The following SDCCAG8 variants were observed in gnomAD, a reference collection of about 807,000 sequenced individuals.
The protein encoded by SDCCAG8 is serologically defined colon cancer antigen 8.
Under a neutral mutation model 101.8 loss-of-function variants are expected in SDCCAG8, and 74 were observed. The observed-to-expected ratio is 0.73, with a 90% CI of 0.60 to 0.88. The LOEUF (loss-of-function observed/expected upper bound fraction) is 0.88, where lower values mean the gene tolerates loss of function less well. SDCCAG8 is among the 40% of genes least tolerant of loss of function. The pLI is 0.00. For missense variants in SDCCAG8, 787 were observed against 822.6 expected (o/e 0.96, Z 0.53); for synonymous variants, 281 against 292.9 (o/e 0.96, Z 0.41).
chr1:243,275,883 T>C (rs2068517926), intron 4 of SDCCAG8, among the ~76,000 whole-genome samples: 5 of 144,160 alleles, frequency 3.5e-5, no homozygotes, highest in Admixed American at 3.4e-4. Flanking sequence ...TTTTTTTTTT[T>C]TGATGGAGTC....
At chr1:243,443,751 T>A (rs981212062) in intron 16 of SDCCAG8, among the ~76,000 whole-genome samples, 2 of 152,166 alleles carry the variant, frequency 1.3e-5, no homozygotes, top group African/African-American at 4.8e-5. Flanking sequence ...TCTGTCTGTT[T>A]CCATAATGGT....
At chr1:243,361,369 C>T (rs2076702110) in intron 12 of SDCCAG8, among the ~76,000 whole-genome samples, 1 of 152,246 alleles carries the variant, frequency 6.6e-6, no homozygotes, top group Non-Finnish European at 1.5e-5. Flanking sequence ...TTATTATCAT[C>T]TTTCCTTATC....
chr1:243,394,640 AT>A (rs1210899415), intron 13 of SDCCAG8, among the ~76,000 whole-genome samples: 2 of 152,254 alleles, frequency 1.3e-5, no homozygotes, highest in Non-Finnish European at 2.9e-5. Flanking sequence ...TGCAAGTCTC[AT>A]TCAGAATGTA....
intron 16 of SDCCAG8, among the ~76,000 whole-genome samples, chr1:243,430,046 C>A (rs959105992): frequency 6.6e-6 from 1 of 152,078 alleles, no homozygotes; most frequent in Non-Finnish European, 1.5e-5. Flanking sequence ...GTTGTCCAGT[C>A]TGGTCTTGAA....
At chr1:243,395,082 T>A (rs1023513633) in intron 13 of SDCCAG8, among the ~76,000 whole-genome samples, 1 of 152,220 alleles carries the variant, frequency 6.6e-6, no homozygotes, top group Admixed American at 6.5e-5. Flanking sequence ...GTATCGCATT[T>A]ACGTGTCTGT....
chr1:243,319,221 G>A (rs1481938277), intron 9 of SDCCAG8, among the ~76,000 whole-genome samples: 2 of 152,054 alleles, frequency 1.3e-5, no homozygotes, highest in African/African-American at 4.8e-5. Context: ...TCCAACACTG[G>A]AAGTCACATT....
chr1:243,430,596 G>T (rs1196040478), intron 16 of SDCCAG8, among the ~76,000 whole-genome samples: 1 of 151,744 alleles, frequency 6.6e-6, no homozygotes, highest in Admixed American at 6.6e-5. Context: ...CCACCACCAC[G>T]CCCGGCTAAT....
intron 9 of SDCCAG8, chr1:243,317,963 A>G (rs2073407395): frequency 4.5e-6 from 2 of 439,576 alleles, no homozygotes; most frequent in South Asian, 1.6e-5. Context: ...TTAGGGCTAC[A>G]TTACTGAGTA....
chr1:243,396,907 C>T (rs2079067245), intron 13 of SDCCAG8, among the ~76,000 whole-genome samples: 1 of 152,178 alleles, frequency 6.6e-6, no homozygotes. Flanking sequence ...TCCATGCCGA[C>T]AGTTCATTTG....
chr1:243,452,125 C>T (rs1440661802), intron 16 of SDCCAG8, among the ~76,000 whole-genome samples: 1 of 152,162 alleles, frequency 6.6e-6, no homozygotes, highest in Non-Finnish European at 1.5e-5. Context: ...TGTGTGTGCA[C>T]ACACAGACAG....
intron 6 of SDCCAG8, among the ~76,000 whole-genome samples, chr1:243,303,755 TA>T (rs1295566572): frequency 6.6e-6 from 1 of 152,162 alleles, no homozygotes; most frequent in Admixed American, 6.6e-5. Context: ...AGGCTATTAG[TA>T]ATTAAGTTTT....
At chr1:243,447,422 G>A (rs2083009581) in intron 16 of SDCCAG8, among the ~76,000 whole-genome samples, 1 of 152,064 alleles carries the variant, frequency 6.6e-6, no homozygotes. Context: ...TTTTGGGGGA[G>A]GAAGGGGATC....
At chr1:243,362,566 T>C (rs1279911271) in intron 12 of SDCCAG8, among the ~76,000 whole-genome samples, 1 of 152,268 alleles carries the variant, frequency 6.6e-6, no homozygotes, top group Non-Finnish European at 1.5e-5. Context: ...TTAGGTCATC[T>C]ATGTTAACCT....
chr1:243,460,450 A>AGT (rs1314421713), intron 16 of SDCCAG8, among the ~76,000 whole-genome samples: 1 of 152,202 alleles, frequency 6.6e-6, no homozygotes, highest in Non-Finnish European at 1.5e-5. Context: ...CCCAACTCAC[A>AGT]GTGTGACTGA....
rs552381108 is a variant in SDCCAG8 at position 243,390,987 on chromosome 1, C to T, written c.1616+12124C>T. ...ATTCTTTTATATATATTTTTAGAGGCACAGTCTCGCTGTATTGCCCAGCCT... is the reference window on the plus strand; with the variant it reads ...ATTCTTTTATATATATTTTTAGAGGTACAGTCTCGCTGTATTGCCCAGCCT... On this transcript the variant is annotated intron_variant, in intron 13 of 17. Transcript: ENST00000366541. 1.1e-3 allele frequency among the ~76,000 whole-genome samples: 172 copies of T among 152,248 alleles called. 1 individual carries two copies. The highest frequency in any genetic ancestry group is 4.0e-3 in the African/African-American group (168 of 41,534).
rs2080730077 is a variant in SDCCAG8 at position 243,418,092 on chromosome 1, G to C, written c.1853+16G>C. ...AAAAAACCAGGTAGGTGATGTTATAGAATACTTTCAAGAGCACTGTTTGTG... is the reference window on the plus strand; with the variant it reads ...AAAAAACCAGGTAGGTGATGTTATACAATACTTTCAAGAGCACTGTTTGTG... On this transcript the variant is annotated intron_variant, in intron 15 of 17. Transcript: ENST00000366541. 1 of 1,545,002 alleles carries C rather than the reference G, an allele frequency of 6.5e-7. No individual in the cohort carries two copies. The highest frequency in any genetic ancestry group is 1.4e-5 in the African/African-American group (1 of 73,620).
chr1:243,462,577 C>T (rs183105555), intron 16 of SDCCAG8, among the ~76,000 whole-genome samples: 150 of 152,290 alleles, frequency 9.8e-4, no homozygotes, highest in Non-Finnish European at 1.6e-3. Context: ...GTAAAGAAGA[C>T]ATTGTAGGTG....
At position 243,271,040 on chromosome 1, in the gene SDCCAG8, A is replaced by G. The variant is rs377564587; in HGVS notation, c.283A>G (p.Arg95Gly). 8.7e-5 allele frequency: 141 copies of G among 1,612,688 alleles called. No homozygotes were observed. Among genetic ancestry groups the G allele is most frequent in the Non-Finnish European group, 1.2e-4 (136 of 1,178,926 alleles). The change falls in exon 3 of 18, where the codon AGA (arginine) becomes GGA (glycine). Residue 95 changes from arginine (R) to glycine (G), a missense_variant. By Grantham distance (125) the Arg-to-Gly change is moderately radical. Coordinates refer to ENST00000366541, the MANE Select transcript of SDCCAG8 (RefSeq NM_006642.5). ...TAAGGAAAGTGAAGTATCTCCGTCA[A>G]GAAGAAGAAAAATGTCCCCCTTGGT... is the stretch of plus-strand genomic sequence containing the variant. ...ADKESEVSPS[R>G]RRKMSPLRSL... is the part of the protein sequence containing the mutation.
chr1:243,344,474 TC>T, intron 12 of SDCCAG8, 143 bp downstream of exon 12: 2 of 713,508 alleles, frequency 2.8e-6, no homozygotes, highest in Non-Finnish European at 2.4e-6. Flanking sequence ...TAGGAAAATT[TC>T]TTTTATAGTT....
Sources: gnomAD v4.1 joint callset for allele counts (sites outside exome capture counted in the v4.1 genomes callset) on GRCh38, gnomAD v4.1.1 for gene constraint, MANE v1.5 for transcripts, NCBI Gene and HGNC (gene_info 2026-07-23, HGNC 2026-07-21) for gene names.